The following HNF4G variants were observed in gnomAD, a reference collection of about 807,000 sequenced individuals.
The protein encoded by HNF4G is hepatocyte nuclear factor 4-gamma.
Under a neutral mutation model 50.9 loss-of-function variants are expected in HNF4G, and 21 were observed. The ratio of observed to expected loss-of-function variants is 0.41; its 90% CI spans 0.29 to 0.59. HNF4G has a LOEUF of 0.59. HNF4G is among the 20% of genes least tolerant of loss of function. The pLI, the probability that HNF4G is intolerant of heterozygous loss-of-function variation, is 0.26. For missense variants in HNF4G, 527 were observed against 559.4 expected (o/e 0.94, Z 0.58); for synonymous variants, 198 against 185.6 (o/e 1.07, Z -0.54).
chr8:75,457,198 C>T lies in HNF4G; in HGVS notation c.-143-32891C>T, dbSNP rs371477118. Among the ~76,000 whole-genome samples the T allele has an allele frequency of 9.2e-5, 14 of 152,222 alleles. No homozygotes were observed. The South Asian group carries it at 2.5e-3, about 27-fold the overall frequency. On this transcript the variant is annotated intron_variant, in intron 1 of 10. Transcript: ENST00000354370. ...TTTATTATAGCTGTAGACTTTAATC[C>T]AGTTGTAAAGAGGACCCACATACAT...
At chr8:75,511,345 C>G (rs1221904245) in intron 2 of HNF4G, among the ~76,000 whole-genome samples, 1 of 152,202 alleles carries the variant, frequency 6.6e-6, no homozygotes, top group Non-Finnish European at 1.5e-5. Context: ...ACCACACTCT[C>G]TTTATAACAT....
chr8:75,554,756 AAAGTTCATTCC>A (rs1194474766), intron 5 of HNF4G, among the ~76,000 whole-genome samples: 1 of 152,190 alleles, frequency 6.6e-6, no homozygotes, highest in African/African-American at 2.4e-5. Flanking sequence ...AAATTATGAG[AAAGTTCATTCC>A]AAGTGGAGAT....
chr8:75,418,105 G>C (rs1810685434), intron 1 of HNF4G, among the ~76,000 whole-genome samples: 1 of 152,090 alleles, frequency 6.6e-6, no homozygotes, highest in Non-Finnish European at 1.5e-5. Flanking sequence ...AGAAATTTAA[G>C]ATTAAGGTTT....
rs563025993 is a variant in HNF4G at position 75,463,325 on chromosome 8, C to G, written c.-143-26764C>G. 3.2e-3 allele frequency among the ~76,000 whole-genome samples: 480 copies of G among 152,208 alleles called. 2 individuals carry two copies. Among genetic ancestry groups the G allele is most frequent in the Middle Eastern group, 0.01 (3 of 294 alleles). ...ATGATATAAAGTATCACCTCTGCCT[C>G]GTCATTCCCTCACTTTGATCCCATT... On this transcript the variant is annotated intron_variant, in intron 1 of 10. Transcript: ENST00000354370.
At chr8:75,448,444 A>AT (rs113115130) in intron 1 of HNF4G, among the ~76,000 whole-genome samples, 79,640 of 121,196 alleles carry the variant, frequency 0.66, 26,713 homozygotes, top group Middle Eastern at 0.74. Flanking sequence ...AAAAAAAAAA[A>AT]GTGTCAGACA....
Position 75,420,065 on chromosome 8 carries a change from TA to T in HNF4G, c.-144+11913del, listed in dbSNP as rs371817715. ...TCCTCTTATGATATCAGAACTAGGT[TA>T]AAAAAAAAACTCCCAATTTTTTGCT... On this transcript the variant is annotated intron_variant, in intron 1 of 10. Coordinates refer to the HNF4G transcript ENST00000354370. 5.4e-3 allele frequency among the ~76,000 whole-genome samples: 802 copies of T among 148,724 alleles called. 6 individuals are homozygous for T. Among genetic ancestry groups the T allele is most frequent in the African/African-American group, 0.016 (658 of 40,660 alleles).
chr8:75,488,624 T>C (rs1018251646), intron 1 of HNF4G, among the ~76,000 whole-genome samples: 1 of 152,100 alleles, frequency 6.6e-6, no homozygotes, highest in Non-Finnish European at 1.5e-5. Flanking sequence ...CAATCTTTCT[T>C]AGGACTTTAA....
chr8:75,461,585 A>G (rs1228729311), intron 1 of HNF4G, among the ~76,000 whole-genome samples: 1 of 152,158 alleles, frequency 6.6e-6, no homozygotes, highest in Non-Finnish European at 1.5e-5. Context: ...AGAGGCCATT[A>G]TTCTGCCTAC....
intron 5 of HNF4G, among the ~76,000 whole-genome samples, chr8:75,554,832 T>C (rs1807067000): frequency 6.6e-6 from 1 of 152,064 alleles, no homozygotes; most frequent in African/African-American, 2.4e-5. Flanking sequence ...AGAATGGGGA[T>C]AAAATGAGAA....
Position 75,558,997 on chromosome 8 carries a change from G to T in HNF4G, c.1083G>T (p.Met361Ile). 1 of 1,611,896 alleles carries T rather than the reference G, an allele frequency of 6.2e-7. No individual in the cohort carries two copies. Among genetic ancestry groups the T allele is most frequent in the Non-Finnish European group, 8.5e-7 (1 of 1,178,058 alleles). ...EQIQFVKLFG[M>I]VKIDNLLQEM... ...TACAGTTTGTTAAACTTTTTGGGAT[G>T]GTTAAAATTGACAATCTACTTCAGG... Residue 361 changes from methionine (M) to isoleucine (I), a missense_variant, in exon 8 of 10, where the codon ATG (methionine) becomes ATT (isoleucine). By Grantham distance (10) the Met-to-Ile change is conservative (BLOSUM62 1). Coordinates refer to ENST00000396423, the MANE Select transcript of HNF4G (RefSeq NM_004133.5).
At chr8:75,532,897 C>T (rs543476719) in intron 2 of HNF4G, among the ~76,000 whole-genome samples, 1 of 152,128 alleles carries the variant, frequency 6.6e-6, no homozygotes, top group South Asian at 2.1e-4. Context: ...CTCAGTCCAG[C>T]TTCATGGATC....
chr8:75,538,977 A>C (rs1806539647), upstream of HNF4G, among the ~76,000 whole-genome samples: 1 of 152,180 alleles, frequency 6.6e-6, no homozygotes, highest in African/African-American at 2.4e-5. Context: ...ATGGGGCTGG[A>C]ATTCTTTCTT....
At chr8:75,422,306 T>C (rs965210819) in intron 1 of HNF4G, among the ~76,000 whole-genome samples, 11 of 152,188 alleles carry the variant, frequency 7.2e-5, no homozygotes, top group African/African-American at 2.7e-4. Flanking sequence ...CATTATGATA[T>C]CCACTAAGTT....
upstream of HNF4G, among the ~76,000 whole-genome samples, chr8:75,535,310 G>A (rs932888910): frequency 4.6e-5 from 7 of 151,612 alleles, no homozygotes; most frequent in Admixed American, 6.6e-5. Context: ...TTTCAAAAGA[G>A]GAAGAATGGT....
chr8:75,479,727 A>G (rs1258310683), intron 1 of HNF4G, among the ~76,000 whole-genome samples: 1 of 152,134 alleles, frequency 6.6e-6, no homozygotes, highest in African/African-American at 2.4e-5. Flanking sequence ...TTAAACTACC[A>G]TGGAGGTGAA....
At position 75,528,025 on chromosome 8, in the gene HNF4G, T is replaced by C. The variant is rs563582900; in HGVS notation, c.-23-15786T>C. ...AGCCTTTAAACCTGATGGCAATACCTTTATCTCTAACCCTGTTCATGTGAG... is the reference window on the plus strand; with the variant it reads ...AGCCTTTAAACCTGATGGCAATACCCTTATCTCTAACCCTGTTCATGTGAG... On this transcript the variant is annotated intron_variant, in intron 2 of 10. Transcript: ENST00000354370. Among the ~76,000 whole-genome samples, 3 of 152,332 alleles carry C rather than the reference T, an allele frequency of 2.0e-5. No homozygotes were observed. In the South Asian group the frequency reaches 6.2e-4, roughly 32 times the overall value.
intron 1 of HNF4G, among the ~76,000 whole-genome samples, chr8:75,455,628 T>C (rs1010220913): frequency 2.6e-5 from 4 of 152,224 alleles, no homozygotes; most frequent in Admixed American, 6.5e-5. Context: ...ATATTTATTC[T>C]GATAAATCAT....
intron 2 of HNF4G, among the ~76,000 whole-genome samples, chr8:75,511,858 G>A (rs554336630): frequency 2.4e-4 from 37 of 152,244 alleles, no homozygotes; most frequent in Middle Eastern, 6.8e-3. Context: ...GATTACAGGC[G>A]TGAGCCACCA....
At chr8:75,549,604 T>G (rs1012317681) in intron 3 of HNF4G, among the ~76,000 whole-genome samples, 2 of 151,656 alleles carry the variant, frequency 1.3e-5, no homozygotes, top group African/African-American at 4.8e-5. Context: ...TAGTTGTTTT[T>G]TTTTAATTAT....
Sources: gnomAD v4.1 joint callset for allele counts (sites outside exome capture counted in the v4.1 genomes callset) on GRCh38, gnomAD v4.1.1 for gene constraint, MANE v1.5 for transcripts, NCBI Gene and HGNC (gene_info 2026-07-23, HGNC 2026-07-21) for gene names.